SCARA3: variants seen among roughly 807,000 people sequenced by gnomAD.
The protein encoded by SCARA3 is scavenger receptor class A member 3, also known as cellular stress response gene protein.
A neutral mutation model predicts 47.0 loss-of-function variants in SCARA3; 39 were observed. The ratio of observed to expected loss-of-function variants is 0.83; its 90% CI spans 0.64 to 1.08. The LOEUF (loss-of-function observed/expected upper bound fraction) is 1.08, where lower values mean the gene tolerates loss of function less well. SCARA3 is among the 50% of genes least tolerant of loss of function. SCARA3 has a pLI of 0.00. For missense variants in SCARA3, 724 were observed against 792.3 expected, an observed-to-expected ratio of 0.91 and a Z score of 1.04; for synonymous variants, 356 against 334.1, an observed-to-expected ratio of 1.07 and a Z score of -0.71.
the SCARA3 span, among the ~76,000 whole-genome samples, chr8:27,706,143 T>G: frequency 6.6e-6 from 1 of 151,916 alleles, no homozygotes; most frequent in African/African-American, 2.4e-5. Context: ...ATGCTTGAGT[T>G]TATTTGTTTG....
chr8:27,649,120 C>A (rs1328270798), intron 1 of SCARA3, among the ~76,000 whole-genome samples: 2 of 152,196 alleles, frequency 1.3e-5, no homozygotes, highest in African/African-American at 4.8e-5. Context: ...AGAATAAGCA[C>A]CGAATCAAAC....
At chr8:27,681,845 T>C in the SCARA3 span, among the ~76,000 whole-genome samples, 1 of 152,220 alleles carries the variant, frequency 6.6e-6, no homozygotes, top group Admixed American at 6.5e-5. Context: ...TGTACCCAAA[T>C]TGATCTATAG....
At chr8:27,643,758 T>C (rs1380922847) in intron 1 of SCARA3, among the ~76,000 whole-genome samples, 1 of 152,226 alleles carries the variant, frequency 6.6e-6, no homozygotes, top group Non-Finnish European at 1.5e-5. Flanking sequence ...TATCAAAATA[T>C]GTTCCTTGAA....
rs776035344 is a variant in SCARA3, at chr8:27,671,155, A to G, written c.1625A>G (p.Asp542Gly). 6.5e-7 allele frequency: 1 copy of G among 1,543,736 alleles called. No homozygotes were observed. Among genetic ancestry groups the G allele is most frequent in the Non-Finnish European group, 8.7e-7 (1 of 1,147,862 alleles). ...GPRGQPGPKG[D>G]IGPPGPEGPP... is the part of the protein sequence containing the mutation. ...AGAGGACAGCCAGGCCCAAAAGGGG[A>G]CATAGGGCCCCCAGGGCCAGAAGGG... Residue 542 changes from aspartate (D) to glycine (G), a missense_variant, in exon 6 of 6, where the codon GAC (aspartate) becomes GGC (glycine). Asp to Gly is a moderately conservative substitution (Grantham distance 94). Transcript: ENST00000301904.
chr8:27,688,947 T>A, the SCARA3 span, among the ~76,000 whole-genome samples: 3 of 152,184 alleles, frequency 2.0e-5, no homozygotes, highest in Non-Finnish European at 4.4e-5. Context: ...TGTTCTTTTT[T>A]AAAAGTATGA....
chr8:27,642,201 GT>G (rs1306877615), intron 1 of SCARA3, among the ~76,000 whole-genome samples: 8 of 152,196 alleles, frequency 5.3e-5, no homozygotes, highest in Admixed American at 5.2e-4. Flanking sequence ...CATAGGATAT[GT>G]TTTGAAACAC....
At position 27,672,928 on chromosome 8, in the gene SCARA3, G is replaced by A; in HGVS notation, c.*1577G>A. 6 of 985,488 alleles carry A rather than the reference G, an allele frequency of 6.1e-6. No individual in the cohort carries two copies. Among genetic ancestry groups the A allele is most frequent in the Non-Finnish European group, 7.2e-6 (6 of 829,980 alleles). The allele number at this position is 985,488 out of a possible 1,614,324, so 61.0% of individuals were successfully genotyped here. ...CCTGGATGTGCAACTGGTTTGCACT[G>A]CACACCCCACGGCCATGTAACTCTC... On this transcript the variant is annotated 3_prime_UTR_variant, in exon 6 of 6. Transcript: ENST00000301904.
downstream of SCARA3, among the ~76,000 whole-genome samples, chr8:27,681,463 C>T (rs920601718): frequency 5.9e-5 from 9 of 152,266 alleles, no homozygotes; most frequent in South Asian, 2.1e-4. Flanking sequence ...GTGGCTTACT[C>T]GCATAATCCC....
intron 2 of SCARA3, among the ~76,000 whole-genome samples, chr8:27,650,555 C>T (rs1210912401): frequency 1.3e-5 from 2 of 152,200 alleles, no homozygotes; most frequent in Non-Finnish European, 2.9e-5. Flanking sequence ...ATGAGACCAA[C>T]CCTTGGAAAT....
Position 27,670,939 on chromosome 8 carries a change from A to T in SCARA3, c.1409A>T (p.Asp470Val), listed in dbSNP as rs1031395520. 3.2e-6 allele frequency: 5 copies of T among 1,581,296 alleles called. No individual in the cohort carries two copies. In the Admixed American group the frequency reaches 9.8e-5, roughly 31 times the overall value. The change falls in exon 6 of 6, where the codon GAT becomes GTT. Residue 470 changes from aspartate to valine, a missense_variant. Transcript: ENST00000301904. Reference protein sequence around the residue: ...GPPGPRGFKGDMGVKGPVGGR... With the variant: ...GPPGPRGFKGVMGVKGPVGGR... ...CCAGGACCAAGAGGATTCAAAGGAG[A>T]TATGGGCGTGAAAGGGCCTGTTGGC...
intron 5 of SCARA3, among the ~76,000 whole-genome samples, chr8:27,660,618 T>TGATAGATAGATA (rs10674215): frequency 0.12 from 15,205 of 130,842 alleles, 975 homozygotes; most frequent in East Asian, 0.16. Context: ...TAGAGATAGA[T>TGATAGATAGATA]GATAGATAGA....
chr8:27,713,394 GGT>G, the SCARA3 span, among the ~76,000 whole-genome samples: 29 of 152,332 alleles, frequency 1.9e-4, 1 homozygote, highest in African/African-American at 6.7e-4. Flanking sequence ...GTGACTGCCA[GGT>G]GTTTCCTTTG....
chr8:27,671,475 G>T lies in SCARA3; in HGVS notation c.*124G>T. ...TGATTCCAATGAGGGGGCTCCCCAGGGCTGACCCTGCAGCTTTGGGCTCCC... is the reference window on the plus strand; with the variant it reads ...TGATTCCAATGAGGGGGCTCCCCAGTGCTGACCCTGCAGCTTTGGGCTCCC... On this transcript the variant is annotated 3_prime_UTR_variant, in exon 6 of 6. Transcript: ENST00000301904. 1.5e-6 allele frequency: 2 copies of T among 1,312,518 alleles called. No individual in the cohort carries two copies. The highest frequency in any genetic ancestry group is 1.9e-6 in the Non-Finnish European group (2 of 1,036,518). The allele number at this position is 1,312,518 out of a possible 1,614,324, so 81.3% of individuals were successfully genotyped here.
chr8:27,667,694 C>T lies in SCARA3; in HGVS notation c.1370-3206C>T, dbSNP rs35010289. On this transcript the variant is annotated intron_variant, in intron 5 of 5. Transcript: ENST00000301904. Reference sequence around the variant, plus strand: ...TTGGCAAATGTCACTGCTCTCATGTCCCTCCCTTCTCCACCCTGTGGGAGA... The same window carrying T: ...TTGGCAAATGTCACTGCTCTCATGTTCCTCCCTTCTCCACCCTGTGGGAGA... Among the ~76,000 whole-genome samples the T allele has an allele frequency of 7.5e-3, 1,144 of 152,324 alleles. 18 individuals carry two copies. Among genetic ancestry groups the T allele is most frequent in the African/African-American group, 0.026 (1,078 of 41,564 alleles).
At chr8:27,674,873 C>T (rs756347015), downstream of SCARA3, among the ~76,000 whole-genome samples, 9 of 151,986 alleles carry the variant, frequency 5.9e-5, no homozygotes, top group Non-Finnish European at 1.2e-4. Context: ...GGACTACAGG[C>T]GTGCACCACC....
At chr8:27,712,352 A>G in the SCARA3 span, among the ~76,000 whole-genome samples, 4 of 151,914 alleles carry the variant, frequency 2.6e-5, no homozygotes, top group Admixed American at 6.6e-5. Flanking sequence ...TCACGAGGTC[A>G]GGAGATCGAG....
chr8:27,637,905 C>T (rs947788119), intron 1 of SCARA3, among the ~76,000 whole-genome samples: 1 of 151,998 alleles, frequency 6.6e-6, no homozygotes, highest in African/African-American at 2.4e-5. Context: ...GACCTCATTC[C>T]CCAGGGGCAC....
At chr8:27,645,042 C>T (rs1427605444) in intron 1 of SCARA3, among the ~76,000 whole-genome samples, 1 of 152,198 alleles carries the variant, frequency 6.6e-6, no homozygotes, top group Admixed American at 6.5e-5. Context: ...CAGTCCTCCA[C>T]CAGCTCATTC....
chr8:27,677,652 G>A (rs1028560169), downstream of SCARA3, among the ~76,000 whole-genome samples: 2 of 152,136 alleles, frequency 1.3e-5, no homozygotes, highest in Non-Finnish European at 2.9e-5. Context: ...TAAGTAAACA[G>A]AAAATCAGTA....
Sources: allele counts gnomAD v4.1 joint callset (sites outside exome capture counted in the v4.1 genomes callset), GRCh38; gene constraint gnomAD v4.1.1; transcripts MANE v1.5; gene names NCBI Gene and HGNC (gene_info 2026-07-23, HGNC 2026-07-21).